FOCAD: variants seen among roughly 807,000 people sequenced by gnomAD.
FOCAD encodes the protein KIAA1797.
FOCAD carries 198 observed loss-of-function variants against 225.6 expected under a neutral mutation model. The observed-to-expected ratio is 0.88, with a 90% CI of 0.78 to 0.99. FOCAD has a LOEUF of 0.99. Ranked by LOEUF, FOCAD falls within the 50% of genes least tolerant of loss-of-function variation. FOCAD has a pLI of 0.00. For synonymous variants in FOCAD, 897 were observed against 755.0 expected, an observed-to-expected ratio of 1.19 and a Z score of -3.08; for missense variants, 2,713 against 2,123.6, an observed-to-expected ratio of 1.28 and a Z score of -5.46.
intron 1 of FOCAD, among the ~76,000 whole-genome samples, chr9:20,699,988 T>C (rs1032013285): frequency 7.3e-5 from 11 of 151,430 alleles, no homozygotes; most frequent in African/African-American, 2.4e-4. Context: ...AATATGCTGC[T>C]TGATATTTCC....
At chr9:20,700,607 C>G (rs1823866893) in intron 1 of FOCAD, among the ~76,000 whole-genome samples, 1 of 150,638 alleles carries the variant, frequency 6.6e-6, no homozygotes, top group South Asian at 2.1e-4. Context: ...GTGTTGGTTA[C>G]TAAATTCAAG....
intron 27 of FOCAD, among the ~76,000 whole-genome samples, chr9:20,931,918 AAG>A (rs1491559448): frequency 1.3e-5 from 2 of 150,052 alleles, no homozygotes; most frequent in South Asian, 2.1e-4. Context: ...AAAAAAAAAA[AAG>A]GGGGGGAGAA....
chr9:20,770,104 C>G lies in FOCAD; in HGVS notation c.772C>G (p.Pro258Ala). The G allele has an allele frequency of 6.2e-7, 1 of 1,614,064 alleles. No homozygotes were observed. Among genetic ancestry groups the G allele is most frequent in the Non-Finnish European group, 8.5e-7 (1 of 1,179,998 alleles). Residue 258 changes from proline (P) to alanine (A), a missense_variant, in exon 8 of 44, where the codon CCT becomes GCT. Transcript: ENST00000338382. ...AGTATGTTTAAGCCTTTTGCGTCAT[C>G]CTGTTTTCTGGAAAATTCAGCTTAC... is the stretch of plus-strand genomic sequence containing the variant. ...EEVCLSLLRH[P>A]VFWKIQLTQM...
In FOCAD at chr9:20,715,422, T is replaced by A; in HGVS notation, c.57+12T>A. On this transcript the variant is annotated intron_variant, in intron 2 of 43. Transcript: ENST00000338382. Reference sequence around the variant, plus strand: ...TTATCCAATCACAGGTAATTTTGTTTGTTTATTTTTGCTCATGGTAACAAA... The same window carrying A: ...TTATCCAATCACAGGTAATTTTGTTAGTTTATTTTTGCTCATGGTAACAAA... 1 of 1,483,124 alleles carries A rather than the reference T, an allele frequency of 6.7e-7. No homozygotes were observed. The highest frequency in any genetic ancestry group is 9.1e-7 in the Non-Finnish European group (1 of 1,104,650). 91.9% of individuals were successfully genotyped at this position (1,483,124 alleles called of 1,614,324 possible).
intron 21 of FOCAD, among the ~76,000 whole-genome samples, chr9:20,895,843 C>T (rs898781766): frequency 6.6e-6 from 1 of 151,784 alleles, no homozygotes; most frequent in Non-Finnish European, 1.5e-5. Flanking sequence ...TTCTTTCTTC[C>T]CTTCAGCATA....
intron 18 of FOCAD, 171 bp from the exon 19 acceptor site, chr9:20,874,510 A>T: frequency 1.7e-6 from 1 of 600,728 alleles, no homozygotes; most frequent in Non-Finnish European, 2.8e-6. Flanking sequence ...CCATTTAGTT[A>T]ATCTAAAAAA....
intron 26 of FOCAD, among the ~76,000 whole-genome samples, chr9:20,927,145 G>C (rs1003997626): frequency 6.6e-6 from 1 of 151,920 alleles, no homozygotes; most frequent in African/African-American, 2.4e-5. Flanking sequence ...GTGTAGTCAG[G>C]GTCAAGAGCT....
In FOCAD at chr9:20,926,372, T is replaced by C. The variant is rs755263450; in HGVS notation, c.3033T>C (p.Asp1011=). ...TTGATACACTCTTGGTCATTGTGGA[T>C]AGCCATTACCAACCCAGAGGGCAAC... ...MVLDTLLVIV[D]SHYQPRGQLL... Residue 1011 remains aspartate, a synonymous_variant, in exon 26 of 44, where the codon GAT becomes GAC. Coordinates refer to ENST00000338382, the MANE Select transcript of FOCAD (RefSeq NM_001375567.1). 11 of 1,613,650 alleles carry C rather than the reference T, an allele frequency of 6.8e-6. No homozygotes were observed. The highest frequency in any genetic ancestry group is 7.6e-6 in the Non-Finnish European group (9 of 1,179,612).
chr9:20,675,910 C>T (rs773794457), intron 2 of FOCAD, among the ~76,000 whole-genome samples: 18 of 152,182 alleles, frequency 1.2e-4, no homozygotes, highest in Admixed American at 3.3e-4. Context: ...AAGGAGTCAA[C>T]GCTGAGTTTA....
At chr9:20,900,224 T>C (rs951781400) in intron 21 of FOCAD, among the ~76,000 whole-genome samples, 3 of 151,964 alleles carry the variant, frequency 2.0e-5, no homozygotes, top group Non-Finnish European at 4.4e-5. Flanking sequence ...GCAGTCTGGA[T>C]TCATTACTTT....
At chr9:20,806,030 G>A (rs1305969628) in intron 11 of FOCAD, among the ~76,000 whole-genome samples, 2 of 152,090 alleles carry the variant, frequency 1.3e-5, no homozygotes, top group African/African-American at 4.8e-5. Flanking sequence ...TCTGCTCTTT[G>A]AAACTGTTCA....
chr9:20,780,555 T>C (rs1252606848), intron 9 of FOCAD, among the ~76,000 whole-genome samples: 1 of 152,130 alleles, frequency 6.6e-6, no homozygotes, highest in African/African-American at 2.4e-5. Context: ...GGAAGAACTG[T>C]GGGGAAAGAG....
chr9:20,909,332 A>T (rs906333044), intron 22 of FOCAD, among the ~76,000 whole-genome samples: 2 of 152,032 alleles, frequency 1.3e-5, no homozygotes, highest in African/African-American at 4.8e-5. Context: ...CAGCTCAGGA[A>T]CCCAACAAGC....
chr9:20,918,932 C>G (rs530112581), intron 24 of FOCAD, among the ~76,000 whole-genome samples: 81 of 152,144 alleles, frequency 5.3e-4, no homozygotes, highest in Non-Finnish European at 9.4e-4. Flanking sequence ...CACCACTGCC[C>G]GCTGCCAGCT....
At chr9:20,826,184 A>T (rs780102309) in intron 15 of FOCAD, among the ~76,000 whole-genome samples, 3 of 152,078 alleles carry the variant, frequency 2.0e-5, no homozygotes, top group South Asian at 2.1e-4. Flanking sequence ...TTGCCAAAAG[A>T]GATTAACATT....
intron 11 of FOCAD, among the ~76,000 whole-genome samples, chr9:20,806,592 C>G (rs1005676613): frequency 5.5e-4 from 84 of 152,174 alleles, no homozygotes; most frequent in African/African-American, 2.0e-3. Flanking sequence ...TTAATAATAC[C>G]TTTCCCTCGG....
chr9:20,953,336 C>G (rs4579612), intron 35 of FOCAD, among the ~76,000 whole-genome samples: 1 of 152,132 alleles, frequency 6.6e-6, no homozygotes, highest in East Asian at 1.9e-4. Context: ...TGGCCCTTTC[C>G]AAAGTATAAG....
chr9:20,812,866 G>A (rs1236679111), intron 11 of FOCAD, among the ~76,000 whole-genome samples: 1 of 152,098 alleles, frequency 6.6e-6, no homozygotes, highest in Non-Finnish European at 1.5e-5. Context: ...AGGATTTTTT[G>A]TGTATGGTAA....
intron 5 of FOCAD, among the ~76,000 whole-genome samples, chr9:20,740,978 A>G (rs1329613800): frequency 3.3e-5 from 5 of 152,120 alleles, no homozygotes; most frequent in African/African-American, 1.2e-4. Flanking sequence ...GCCATCTCTT[A>G]AGAGAGGGGC....
Sources: allele counts gnomAD v4.1 joint callset (sites outside exome capture counted in the v4.1 genomes callset), GRCh38; gene constraint gnomAD v4.1.1; transcripts MANE v1.5; gene names NCBI Gene and HGNC (gene_info 2026-07-23, HGNC 2026-07-21).